CREBBP: variants seen among roughly 807,000 people sequenced by gnomAD.
The protein encoded by CREBBP is CREB-binding protein.
Under a neutral mutation model 265.0 loss-of-function variants are expected in CREBBP, and 19 were observed. The observed-to-expected ratio is 0.07, with a 90% confidence interval of 0.05 to 0.11. CREBBP has a LOEUF of 0.11. Among genes scored for constraint, CREBBP ranks in the 10% least tolerant of loss-of-function variants. The pLI is 1.00. For missense variants in CREBBP, 2,525 were observed against 3,219.0 expected (o/e 0.78, Z 5.22); for synonymous variants, 1,457 against 1,223.7 (o/e 1.19, Z -3.98).
At chr16:3,853,811 C>G (rs1466959054) in intron 1 of CREBBP, among the ~76,000 whole-genome samples, 1 of 151,930 alleles carries the variant, frequency 6.6e-6, no homozygotes, top group Non-Finnish European at 1.5e-5. Flanking sequence ...GTGGCAGGCG[C>G]CTGTAATTGC....
chr16:3,827,585 G>T (rs1472296815), intron 2 of CREBBP, among the ~76,000 whole-genome samples: 1 of 151,972 alleles, frequency 6.6e-6, no homozygotes, highest in Admixed American at 6.6e-5. Context: ...TGGAGACGGG[G>T]TTTCACCTAG....
At chr16:3,780,152 G>C (rs1015140599) in intron 8 of CREBBP, among the ~76,000 whole-genome samples, 4 of 147,942 alleles carry the variant, frequency 2.7e-5, no homozygotes, top group East Asian at 4.0e-4. Flanking sequence ...TGAGGCAGGA[G>C]AATCACTTGA....
At position 3,774,438 on chromosome 16, in the gene CREBBP, GAAAT is replaced by G. The variant is rs1266552095; in HGVS notation, c.2283+127_2283+130del. ...AATTTTTTTAAAATGAGAGATGAAA[GAAAT>G]AAAGCATAACCCAAATTCAAAGGAA... On this transcript the variant is annotated intron_variant, in intron 12 of 30. Transcript: ENST00000262367. 6 of 1,240,666 alleles carry G rather than the reference GAAAT, an allele frequency of 4.8e-6. No individual in the cohort carries two copies. In the South Asian group the frequency reaches 6.4e-5, roughly 13 times the overall value. 76.9% of individuals were successfully genotyped at this position (1,240,666 alleles called of 1,614,324 possible).
intron 21 of CREBBP, among the ~76,000 whole-genome samples, chr16:3,746,731 T>C (rs1286458414): frequency 1.3e-5 from 2 of 152,126 alleles, no homozygotes; most frequent in African/African-American, 2.4e-5. Context: ...AGGATTGCTT[T>C]ACTGGGAGTT....
At chr16:3,737,512 T>C (rs1469522022) in intron 26 of CREBBP, among the ~76,000 whole-genome samples, 1 of 149,334 alleles carries the variant, frequency 6.7e-6, no homozygotes, top group Non-Finnish European at 1.5e-5. Flanking sequence ...CAGGGTGGAG[T>C]GCAATGGCAT....
At chr16:3,800,339 G>C (rs1331280784) in intron 3 of CREBBP, among the ~76,000 whole-genome samples, 1 of 152,106 alleles carries the variant, frequency 6.6e-6, no homozygotes, top group Non-Finnish European at 1.5e-5. Flanking sequence ...AGCTGGTCTT[G>C]AACTCCTGGG....
chr16:3,856,385 G>T (rs369573525), intron 1 of CREBBP, among the ~76,000 whole-genome samples: 12 of 152,298 alleles, frequency 7.9e-5, no homozygotes, highest in African/African-American at 2.9e-4. Flanking sequence ...GAAGTTGCAG[G>T]CTCAATGCAG....
At chr16:3,758,770 T>A (rs2052643599) in intron 17 of CREBBP, 84 bp downstream of exon 17, 3 of 1,049,336 alleles carry the variant, frequency 2.9e-6, no homozygotes, top group Non-Finnish European at 3.0e-6. Flanking sequence ...GGGGGATTAT[T>A]TTATCTAATT....
intron 3 of CREBBP, among the ~76,000 whole-genome samples, chr16:3,809,240 C>A (rs151037319): frequency 6.6e-6 from 1 of 151,672 alleles, no homozygotes; most frequent in Non-Finnish European, 1.5e-5. Flanking sequence ...TGCAGTGGCG[C>A]GATCTCCGCT....
At chr16:3,829,813 C>G (rs1239359215) in intron 2 of CREBBP, among the ~76,000 whole-genome samples, 2 of 152,078 alleles carry the variant, frequency 1.3e-5, no homozygotes, top group Non-Finnish European at 2.9e-5. Flanking sequence ...GAAGATGTGA[C>G]CCATAACCAG....
chr16:3,810,739 A>G lies in CREBBP; in HGVS notation c.839T>C (p.Phe280Ser). 6.2e-7 allele frequency: 1 copy of G among 1,613,932 alleles called. No homozygotes were observed. Among genetic ancestry groups the G allele is most frequent in the Non-Finnish European group, 8.5e-7 (1 of 1,180,014 alleles). Reference protein sequence around the residue: ...TGNTSPFGQPFSQAGGQPMGA... With the variant: ...TGNTSPFGQPSSQAGGQPMGA... ...CATTGGCTGCCCTCCAGCTTGACTA[A>G]AGGGCTGTCCAAATGGACTTGTGTT... The change falls in exon 3 of 31, where the codon TTT (phenylalanine) becomes TCT (serine). Residue 280 changes from phenylalanine to serine, a missense_variant. Around this residue, in one of 19 missense-constraint regions of CREBBP, gnomAD observed 126 missense variants for 171.9 expected, o/e 0.73. Transcript: ENST00000262367.
At chr16:3,762,146 T>G (rs533177454) in intron 16 of CREBBP, among the ~76,000 whole-genome samples, 5 of 152,258 alleles carry the variant, frequency 3.3e-5, no homozygotes, top group East Asian at 3.9e-4. Context: ...CGTGCCACAG[T>G]GGCAGCACTG....
In CREBBP at chr16:3,879,848, C is replaced by T. The variant is rs766095612; in HGVS notation, c.69G>A (p.Ser23=). ...CCTCCTCACCTGTGCTGTCATTCGC[C>T]GAGAAACCGGGCGAGCTGAGTTTGG... ...KRAKLSSPGF[S]ANDSTDFGSL... Residue 23 remains serine (S), a synonymous_variant, in exon 1 of 31, where the codon TCG becomes TCA. Coordinates refer to ENST00000262367, the MANE Select transcript of CREBBP (RefSeq NM_004380.3). 24 of 1,610,858 alleles carry T rather than the reference C, an allele frequency of 1.5e-5. No individual in the cohort carries two copies. The highest frequency in any genetic ancestry group is 8.4e-5 in the Admixed American group (5 of 59,800).
chr16:3,802,164 C>T (rs1596966789), intron 3 of CREBBP, among the ~76,000 whole-genome samples: 1 of 105,238 alleles, frequency 9.5e-6, no homozygotes, highest in South Asian at 3.4e-4. Flanking sequence ...CAGAGTCTCG[C>T]TCTGTCACCC....
rs2141616910 is a variant in CREBBP at position 3,879,941 on chromosome 16, C to A, written c.-25G>T. ...TTTTCACCTGCTCGCGAAAACAGCCCCGGGCACGGGCGGCCGGGCCGGCGA... is the reference window on the plus strand; with the variant it reads ...TTTTCACCTGCTCGCGAAAACAGCCACGGGCACGGGCGGCCGGGCCGGCGA... On this transcript the variant is annotated 5_prime_UTR_variant, in exon 1 of 31. Coordinates refer to ENST00000262367, the MANE Select transcript of CREBBP (RefSeq NM_004380.3). 1 of 1,605,172 alleles carries A rather than the reference C, an allele frequency of 6.2e-7. No individual in the cohort carries two copies.
At chr16:3,878,510 C>T (rs2055449964) in intron 1 of CREBBP, among the ~76,000 whole-genome samples, 1 of 152,184 alleles carries the variant, frequency 6.6e-6, no homozygotes. Context: ...TAATATTAAA[C>T]GTCGCTTATC....
chr16:3,869,230 A>G (rs1407776883), intron 1 of CREBBP, among the ~76,000 whole-genome samples: 1 of 152,140 alleles, frequency 6.6e-6, no homozygotes, highest in Non-Finnish European at 1.5e-5. Flanking sequence ...GTCCCCTCCA[A>G]GGTCACACCT....
chr16:3,744,872 C>T, intron 23 of CREBBP, 22 bp downstream of exon 23: 1 of 1,595,106 alleles, frequency 6.3e-7, no homozygotes, highest in Non-Finnish European at 8.6e-7. Context: ...GTCCAGGAAA[C>T]AGAAAGCTTC....
intron 23 of CREBBP, chr16:3,740,975 G>A (rs1160063222): frequency 2.7e-5 from 9 of 339,500 alleles, no homozygotes; most frequent in East Asian, 7.7e-5. Context: ...GGAGTCTGAC[G>A]TGAACGTGGA....
Sources: allele counts gnomAD v4.1 joint callset (sites outside exome capture counted in the v4.1 genomes callset), GRCh38; gene constraint gnomAD v4.1.1; regional missense constraint gnomAD v4.1.1; transcripts MANE v1.5; gene names NCBI Gene and HGNC (gene_info 2026-07-23, HGNC 2026-07-21).